The following HYDIN variants were observed in gnomAD, a reference collection of about 807,000 sequenced individuals.
The protein encoded by HYDIN is axonemal central pair apparatus protein HYDIN.
Under a neutral mutation model 403.9 loss-of-function variants are expected in HYDIN, and 132 were observed. The ratio of observed to expected loss-of-function variants is 0.33; its 90% confidence interval spans 0.28 to 0.38. The LOEUF (loss-of-function observed/expected upper bound fraction) is 0.38. HYDIN is among the 10% of genes least tolerant of loss of function. HYDIN has a pLI of 1.00. For synonymous variants in HYDIN, 1,202 were observed against 1,891.7 expected (o/e 0.64, Z 9.46); for missense variants, 2,827 against 5,009.5 (o/e 0.56, Z 13.15).
rs569505248 is a variant in HYDIN at position 70,914,028 on chromosome 16, T to G, written c.8004+4183A>C. ...TGTGAGACCTTATATGTTAGGTGAG[T>G]CTCTTGAAGGCAGCAGATAGTTGGT... On this transcript the variant is annotated intron_variant, in intron 47 of 85. Transcript: ENST00000393567. Among the ~76,000 whole-genome samples the G allele has an allele frequency of 6.5e-4, 95 of 147,026 alleles. 1 individual carries two copies. The highest frequency in any genetic ancestry group is 1.7e-4 in the Non-Finnish European group (11 of 65,782).
chr16:70,940,457 G>A (rs111708131), intron 43 of HYDIN, among the ~76,000 whole-genome samples: 1 of 151,820 alleles, frequency 6.6e-6, no homozygotes, highest in South Asian at 2.1e-4. Flanking sequence ...ATAGATGTTC[G>A]ACAAACATGA....
chr16:70,857,950 CGAGGGTCAT>C, intron 71 of HYDIN, 80 bp from the exon 72 acceptor site: 1 of 1,258,654 alleles, frequency 7.9e-7, no homozygotes, highest in Non-Finnish European at 1.1e-6. Context: ...CTTGTCAGCA[CGAGGGTCAT>C]GAGAGTTGAT....
At chr16:71,221,757 A>G (rs2089212207) in intron 1 of HYDIN, among the ~76,000 whole-genome samples, 1 of 152,260 alleles carries the variant, frequency 6.6e-6, no homozygotes, top group South Asian at 2.1e-4. Flanking sequence ...ACTTTAAGAC[A>G]TTAGAGAGGT....
At chr16:71,209,602 G>C (rs1250707157) in intron 1 of HYDIN, among the ~76,000 whole-genome samples, 1 of 152,090 alleles carries the variant, frequency 6.6e-6, no homozygotes, top group Non-Finnish European at 1.5e-5. Flanking sequence ...AACTATCCCT[G>C]TTTGCAGATG....
chr16:70,978,333 C>T (rs2078947863), intron 30 of HYDIN, among the ~76,000 whole-genome samples: 1 of 148,710 alleles, frequency 6.7e-6, no homozygotes, highest in South Asian at 2.2e-4. Context: ...CCATTGCTTA[C>T]AGCACCACCA....
At chr16:71,070,243 TTTTC>T (rs143461846) in intron 13 of HYDIN, among the ~76,000 whole-genome samples, 65,841 of 145,986 alleles carry the variant, frequency 0.45, 16,964 homozygotes, top group African/African-American at 0.67. Flanking sequence ...ATTTTCTTTC[TTTTC>T]TTTCTTTCTT....
intron 45 of HYDIN, among the ~76,000 whole-genome samples, chr16:70,922,225 G>A (rs969407265): frequency 2.6e-5 from 4 of 152,168 alleles, no homozygotes; most frequent in Non-Finnish European, 5.9e-5. Flanking sequence ...AGGCTGGCAC[G>A]GTGCCTCATG....
rs1368704307 is a variant in HYDIN at position 71,211,451 on chromosome 16, T to A, written c.-24+19111A>T. ...GTCAGGAGATCGAGACCATCCTGGC[T>A]AACAAGGTGAAACCCCGTCTCTACT... On this transcript the variant is annotated intron_variant, in intron 1 of 85. Coordinates refer to ENST00000393567, the MANE Select transcript of HYDIN (RefSeq NM_001270974.2). Among the ~76,000 whole-genome samples, 3 of 151,350 alleles carry A rather than the reference T, an allele frequency of 2.0e-5. No individual in the cohort carries two copies. The East Asian group carries it at 5.9e-4, about 30-fold the overall frequency.
chr16:70,876,182 C>A (rs886129779), intron 62 of HYDIN, among the ~76,000 whole-genome samples: 2 of 148,044 alleles, frequency 1.4e-5, no homozygotes, highest in Admixed American at 6.7e-5. Context: ...CTTGTCTGCA[C>A]ATTTTTTTTT....
At chr16:70,885,859 C>A (rs949465940) in intron 58 of HYDIN, among the ~76,000 whole-genome samples, 33 of 152,038 alleles carry the variant, frequency 2.2e-4, no homozygotes, top group Non-Finnish European at 4.4e-4. Flanking sequence ...ACATAAAAAC[C>A]AACATGTAGA....
chr16:71,193,538 A>C (rs1419264723), intron 1 of HYDIN, among the ~76,000 whole-genome samples: 1 of 152,218 alleles, frequency 6.6e-6, no homozygotes, highest in East Asian at 1.9e-4. Context: ...AGAAAAAAAA[A>C]GAAACGTTTT....
intron 1 of HYDIN, chr16:71,203,692 T>C (rs1385919271): frequency 2.2e-6 from 1 of 455,386 alleles, no homozygotes; most frequent in Non-Finnish European, 4.4e-6. Flanking sequence ...TCTATTCTTA[T>C]GAATCTCACA....
intron 9 of HYDIN, among the ~76,000 whole-genome samples, chr16:71,126,037 C>T (rs559272142): frequency 6.6e-6 from 1 of 152,038 alleles, no homozygotes; most frequent in Non-Finnish European, 1.5e-5. Context: ...GCTGCTTGCA[C>T]TCCATTGCTT....
intron 84 of HYDIN, among the ~76,000 whole-genome samples, chr16:70,816,061 A>G (rs1051635702): frequency 1.3e-5 from 2 of 152,104 alleles, no homozygotes; most frequent in Non-Finnish European, 2.9e-5. Flanking sequence ...GTGAGCTGAG[A>G]TTGCGCCACT....
At chr16:71,209,740 C>T (rs989806096) in intron 1 of HYDIN, among the ~76,000 whole-genome samples, 6 of 152,108 alleles carry the variant, frequency 3.9e-5, no homozygotes, top group Non-Finnish European at 5.9e-5. Flanking sequence ...TATACACTAA[C>T]GGCATCCAAG....
intron 18 of HYDIN, among the ~76,000 whole-genome samples, chr16:71,058,787 C>A (rs1024928762): frequency 6.6e-6 from 1 of 151,952 alleles, no homozygotes; most frequent in Non-Finnish European, 1.5e-5. Flanking sequence ...CGGCATCAGT[C>A]CACTTTTATG....
chr16:70,949,808 T>G (rs1174957167), intron 41 of HYDIN, among the ~76,000 whole-genome samples: 2 of 152,278 alleles, frequency 1.3e-5, no homozygotes, highest in African/African-American at 4.8e-5. Context: ...GTAGGTTACC[T>G]TACTGAAAGG....
intron 19 of HYDIN, 146 bp downstream of exon 19, chr16:71,031,533 A>T (rs1186944710): frequency 7.5e-7 from 1 of 1,335,864 alleles, no homozygotes; most frequent in African/African-American, 1.5e-5. Flanking sequence ...CATACACATC[A>T]GGAGGTGGAA....
intron 70 of HYDIN, 134 bp downstream of exon 70, chr16:70,860,555 A>G (rs2039344430): frequency 2.6e-6 from 1 of 387,494 alleles, no homozygotes; most frequent in Admixed American, 4.4e-5. Flanking sequence ...TCTAAAGTCA[A>G]ACCTCTAAAA....
Sources: allele counts gnomAD v4.1 joint callset (sites outside exome capture counted in the v4.1 genomes callset), GRCh38; gene constraint gnomAD v4.1.1; transcripts MANE v1.5; gene names NCBI Gene and HGNC (gene_info 2026-07-23, HGNC 2026-07-21).